TOP6BL: variants seen among roughly 807,000 people sequenced by gnomAD.
TOP6BL encodes type 2 DNA topoisomerase 6 subunit B-like.
chr11:66,762,051 G>A, the TOP6BL span: 195 of 1,379,808 alleles, frequency 1.4e-4, 1 homozygote, highest in Admixed American at 9.6e-4. Context: ...GCAACTTTCC[G>A]CACTAATTTA....
chr11:66,821,725 T>C, the TOP6BL span: 38 of 1,613,442 alleles, frequency 2.4e-5, no homozygotes, highest in Non-Finnish European at 3.2e-5. Flanking sequence ...TCCAATTCAC[T>C]GTGGACAAGG....
the TOP6BL span, among the ~76,000 whole-genome samples, chr11:66,795,295 T>C: frequency 6.6e-6 from 1 of 151,634 alleles, no homozygotes; most frequent in Non-Finnish European, 1.5e-5. Flanking sequence ...ATACACTTTC[T>C]TTCCTTCTTT....
the TOP6BL span, among the ~76,000 whole-genome samples, chr11:66,768,699 C>A: frequency 8.4e-6 from 1 of 118,444 alleles, no homozygotes; most frequent in Admixed American, 8.7e-5. Context: ...CTTAATATTT[C>A]TTTACTCTTT....
At chr11:66,770,782 C>G in the TOP6BL span, among the ~76,000 whole-genome samples, 2 of 152,164 alleles carry the variant, frequency 1.3e-5, no homozygotes, top group African/African-American at 2.4e-5. Context: ...CTTCCCTCTT[C>G]TCTTTCCTGA....
the TOP6BL span, chr11:66,748,408 G>T: frequency 1.3e-6 from 2 of 1,542,020 alleles, no homozygotes; most frequent in Non-Finnish European, 1.8e-6. Flanking sequence ...TTCACTGGAA[G>T]TGTGACATAG....
the TOP6BL span, chr11:66,838,247 G>A: frequency 1.3e-6 from 1 of 746,700 alleles, no homozygotes; most frequent in East Asian, 2.7e-5. Context: ...GAGGAAGAGG[G>A]AGTTCCAGGT....
the TOP6BL span, among the ~76,000 whole-genome samples, chr11:66,782,149 T>A: frequency 1.9e-4 from 29 of 152,296 alleles, 1 homozygote; most frequent in South Asian, 5.6e-3. Context: ...GGCTTTAGAC[T>A]TTTTTGGGGT....
At chr11:66,798,612 A>T in the TOP6BL span, among the ~76,000 whole-genome samples, 1 of 151,420 alleles carries the variant, frequency 6.6e-6, no homozygotes, top group South Asian at 2.1e-4. Flanking sequence ...AAAAAAAAAA[A>T]AAAAAAAAAG....
At chr11:66,752,748 C>T in the TOP6BL span, among the ~76,000 whole-genome samples, 3 of 152,160 alleles carry the variant, frequency 2.0e-5, no homozygotes, top group African/African-American at 7.2e-5. Context: ...CCACCGTTCC[C>T]GGCCTCTCTG....
At chr11:66,748,460 T>G in the TOP6BL span, 1 of 1,549,328 alleles carries the variant, frequency 6.5e-7, no homozygotes, top group Non-Finnish European at 8.7e-7. Context: ...GCTAGTGATT[T>G]CCATAGAAGG....
At chr11:66,790,597 CA>C in the TOP6BL span, among the ~76,000 whole-genome samples, 1 of 152,098 alleles carries the variant, frequency 6.6e-6, no homozygotes, top group South Asian at 2.1e-4. Context: ...AAAGTATGAT[CA>C]AAACAAACAT....
the TOP6BL span, among the ~76,000 whole-genome samples, chr11:66,818,296 T>C: frequency 3.9e-5 from 6 of 152,298 alleles, no homozygotes; most frequent in South Asian, 8.3e-4. Flanking sequence ...AAGGCAAACT[T>C]TTCCCTGCCT....
At chr11:66,839,895 G>T in the TOP6BL span, among the ~76,000 whole-genome samples, 3 of 152,252 alleles carry the variant, frequency 2.0e-5, no homozygotes, top group African/African-American at 4.8e-5. Flanking sequence ...GTGCCCTTCT[G>T]GGGGCAGGGG....
chr11:66,764,791 C>T, the TOP6BL span, among the ~76,000 whole-genome samples: 2 of 151,890 alleles, frequency 1.3e-5, no homozygotes, highest in Non-Finnish European at 2.9e-5. Flanking sequence ...GAAACCCCAT[C>T]TCTACAAAAA....
chr11:66,838,771 G>A, the TOP6BL span, among the ~76,000 whole-genome samples: 21 of 152,052 alleles, frequency 1.4e-4, no homozygotes, highest in East Asian at 7.7e-4. Flanking sequence ...CACCTCTGTC[G>A]CCCAGGCTGG....
At chr11:66,764,588 C>T in the TOP6BL span, among the ~76,000 whole-genome samples, 4 of 151,188 alleles carry the variant, frequency 2.6e-5, no homozygotes, top group South Asian at 4.2e-4. Flanking sequence ...TCGCTTGAAC[C>T]TGGGAGGCGG....
chr11:66,821,678 A>G, the TOP6BL span: 2 of 1,611,794 alleles, frequency 1.2e-6, no homozygotes, highest in Admixed American at 1.7e-5. Flanking sequence ...TCTCAATGCC[A>G]TCCTTGTGGA....
chr11:66,821,929 T>G, the TOP6BL span, among the ~76,000 whole-genome samples: 1 of 152,158 alleles, frequency 6.6e-6, no homozygotes, highest in Non-Finnish European at 1.5e-5. Context: ...CAACTCAAAC[T>G]TTAGCTTAGA....
At chr11:66,829,585 A>C in the TOP6BL span, among the ~76,000 whole-genome samples, 1 of 150,792 alleles carries the variant, frequency 6.6e-6, no homozygotes, top group African/African-American at 2.4e-5. Flanking sequence ...AAAAAAAAAA[A>C]ACAAAACCAT....
Sources: gnomAD v4.1 joint callset for allele counts (sites outside exome capture counted in the v4.1 genomes callset) on GRCh38, gnomAD v4.1.1 for gene constraint, MANE v1.5 for transcripts, NCBI Gene and HGNC (gene_info 2026-07-23, HGNC 2026-07-21) for gene names.